The following DGKD variants were observed in gnomAD, a reference collection of about 807,000 sequenced individuals.
DGKD encodes DAG kinase delta.
A neutral mutation model predicts 154.4 loss-of-function variants in DGKD; 68 were observed. That is an observed-to-expected ratio of 0.44 (90% CI 0.36 to 0.54). The LOEUF (loss-of-function observed/expected upper bound fraction) is 0.54, where lower values mean the gene tolerates loss of function less well. Ranked by LOEUF, DGKD falls within the 20% of genes least tolerant of loss-of-function variation. The pLI, the probability that DGKD is intolerant of heterozygous loss-of-function variation, is 0.00. For missense variants in DGKD, 1,343 were observed against 1,593.6 expected, an observed-to-expected ratio of 0.84 and a Z score of 2.68; for synonymous variants, 693 against 638.0, an observed-to-expected ratio of 1.09 and a Z score of -1.30.
rs559813092 is a variant in DGKD, at chr2:233,456,718, G to A, written c.2376-181G>A. 2.6e-5 allele frequency among the ~76,000 whole-genome samples: 4 copies of A among 152,244 alleles called. No individual in the cohort carries two copies. The South Asian group carries it at 6.2e-4, about 24-fold the overall frequency. On this transcript the variant is annotated intron_variant, in intron 19 of 29. Transcript: ENST00000264057. ...TGAGCAAAATTTCCTATTGGTAAAC[G>A]TATCTTTTTATGCATATCTGCAAAA...
intron 3 of DGKD, among the ~76,000 whole-genome samples, chr2:233,394,443 T>C (rs1401238674): frequency 1.3e-5 from 2 of 151,866 alleles, no homozygotes; most frequent in Non-Finnish European, 2.9e-5. Context: ...AAGGTCTCGC[T>C]ATGTTGCTCA....
chr2:233,355,082 G>T (rs951448964), intron 1 of DGKD, among the ~76,000 whole-genome samples: 6 of 152,044 alleles, frequency 3.9e-5, no homozygotes, highest in Non-Finnish European at 8.8e-5. Flanking sequence ...CCCAAACCCC[G>T]GTTCTGCACG....
intron 1 of DGKD, among the ~76,000 whole-genome samples, chr2:233,367,734 G>T (rs1369885506): frequency 2.0e-5 from 3 of 152,084 alleles, no homozygotes; most frequent in African/African-American, 7.2e-5. Flanking sequence ...AATATGGAAT[G>T]CTCTGTGCTC....
chr2:233,375,935 G>A (rs1020340035), intron 1 of DGKD, among the ~76,000 whole-genome samples: 4 of 152,078 alleles, frequency 2.6e-5, no homozygotes, highest in African/African-American at 7.2e-5. Context: ...GTCAAGGGTC[G>A]AGTCCCTTTC....
At chr2:233,393,128 G>A (rs921791199) in intron 3 of DGKD, among the ~76,000 whole-genome samples, 3 of 151,982 alleles carry the variant, frequency 2.0e-5, no homozygotes, top group South Asian at 2.1e-4. Flanking sequence ...GTGTTCAAGC[G>A]ATTCTTCTGC....
intron 3 of DGKD, among the ~76,000 whole-genome samples, chr2:233,423,697 G>A (rs11694654): frequency 0.12 from 17,591 of 151,946 alleles, 1,252 homozygotes; most frequent in African/African-American, 0.2. Flanking sequence ...TTCTTGTGGC[G>A]CTGGCTGGAG....
intron 3 of DGKD, among the ~76,000 whole-genome samples, chr2:233,430,048 G>T (rs2062457598): frequency 6.6e-6 from 1 of 152,220 alleles, no homozygotes; most frequent in Non-Finnish European, 1.5e-5. Context: ...AAAGCTATGA[G>T]ATGTGCCGAA....
chr2:233,449,395 A>C lies in DGKD; in HGVS notation c.1888+19A>C, dbSNP rs1559164062. On this transcript the variant is annotated intron_variant, in intron 15 of 29. Coordinates refer to ENST00000264057, the MANE Select transcript of DGKD (RefSeq NM_152879.3). The surrounding 1 kb of genome is among the most constrained non-coding windows in gnomAD (Gnocchi z 5.3). ...GAAAAAGGTAACTGGCCTTGTGATG[A>C]GGAGGGGCTTTCCTCAGGCCAGCAC... The C allele has an allele frequency of 1.3e-6, 2 of 1,583,082 alleles. No homozygotes were observed. The highest frequency in any genetic ancestry group is 1.7e-5 in the Admixed American group (1 of 59,190).
At chr2:233,448,594 G>A (rs1238908330) in intron 14 of DGKD, among the ~76,000 whole-genome samples, 1 of 152,236 alleles carries the variant, frequency 6.6e-6, no homozygotes, top group African/African-American at 2.4e-5. Flanking sequence ...GGAGCTGCCC[G>A]AGCAGCGGCT....
Position 233,445,799 on chromosome 2 carries a change from C to CT in DGKD, c.1334+40dup, listed in dbSNP as rs1559559314. The CT allele has an allele frequency of 6.4e-7, 1 of 1,556,294 alleles. No individual in the cohort carries two copies. On this transcript the variant is annotated intron_variant, in intron 11 of 29. Coordinates refer to ENST00000264057, the MANE Select transcript of DGKD (RefSeq NM_152879.3). This position sits in a 1 kb window ranked among gnomAD's most constrained non-coding sequence, Gnocchi z 5.5. ...TGTGCTCCGGTGCCGTATGAGGAGA[C>CT]TTTGAGAGACAGGTCCCTTTGACCA...
intron 29 of DGKD, among the ~76,000 whole-genome samples, chr2:233,469,043 C>A (rs1207441143): frequency 6.6e-6 from 1 of 152,216 alleles, no homozygotes; most frequent in Non-Finnish European, 1.5e-5. Flanking sequence ...CTGGCTGAGT[C>A]CCGAGAGGGC....
At chr2:233,432,532 G>GC (rs2062563323) in intron 3 of DGKD, among the ~76,000 whole-genome samples, 2 of 152,128 alleles carry the variant, frequency 1.3e-5, no homozygotes, top group Non-Finnish European at 2.9e-5. Flanking sequence ...GGTGGCGGGC[G>GC]CCTGTAGTCC....
Position 233,450,931 on chromosome 2 carries a change from C to T in DGKD, c.2048C>T (p.Ser683Phe), listed in dbSNP as rs762083912. ...KGRSQRKVSK[S>F]PCEKLISKGS... ...TGCTGTGTTGTTACAGTGTCGAAAT[C>T]TCCGTGTGAAAAGCTGATCAGCAAA... The change falls in exon 17 of 30, where the codon TCT becomes TTT. Residue 683 changes from serine to phenylalanine, a missense_variant. Coordinates refer to ENST00000264057, the MANE Select transcript of DGKD (RefSeq NM_152879.3). 4 of 1,601,818 alleles carry T rather than the reference C, an allele frequency of 2.5e-6. No homozygotes were observed. The highest frequency in any genetic ancestry group is 3.4e-6 in the Non-Finnish European group (4 of 1,169,630).
At chr2:233,421,482 A>G (rs1034873665) in intron 3 of DGKD, among the ~76,000 whole-genome samples, 13 of 152,194 alleles carry the variant, frequency 8.5e-5, no homozygotes, top group African/African-American at 2.9e-4. Flanking sequence ...TTGAGCTTGC[A>G]TGGCTTCTTA....
At chr2:233,374,409 A>C (rs1391601692) in intron 1 of DGKD, among the ~76,000 whole-genome samples, 1 of 152,082 alleles carries the variant, frequency 6.6e-6, no homozygotes, top group Non-Finnish European at 1.5e-5. Context: ...ATCATCACTC[A>C]CTGCAGCCTT....
Position 233,449,238 on chromosome 2 carries a change from T to C in DGKD, c.1750T>C (p.Cys584Arg). The C allele has an allele frequency of 6.2e-7, 1 of 1,613,844 alleles. No homozygotes were observed. The highest frequency in any genetic ancestry group is 8.5e-7 in the Non-Finnish European group (1 of 1,179,978). ...AEDGDGSGSICGSTGDRLVAS... is the reference protein window; with the variant it reads ...AEDGDGSGSIRGSTGDRLVAS... ...AGATGGAGATGGGTCGGGCAGCATC[T>C]GCGGTTCCACCGGAGACCGCTTGGT... is the stretch of plus-strand genomic sequence containing the variant. Residue 584 changes from cysteine (C) to arginine (R), a missense_variant, in exon 15 of 30, where the codon TGC becomes CGC. Coordinates refer to ENST00000264057, the MANE Select transcript of DGKD (RefSeq NM_152879.3). The surrounding 1 kb of genome is among the most constrained non-coding windows in gnomAD (Gnocchi z 5.3).
At chr2:233,435,963 G>A in intron 6 of DGKD, 39 bp downstream of exon 6, 1 of 1,563,100 alleles carries the variant, frequency 6.4e-7, no homozygotes, top group Non-Finnish European at 8.7e-7. Context: ...CCTGAGCCAG[G>A]GTCCCCCACC....
At chr2:233,460,124 C>T in intron 23 of DGKD, 70 bp from the exon 24 acceptor site, 1 of 1,575,860 alleles carries the variant, frequency 6.3e-7, no homozygotes, top group South Asian at 1.2e-5. Flanking sequence ...CGTTGGCATC[C>T]CCATAGTGTC....
Position 233,448,303 on chromosome 2 carries a change from C to T in DGKD, c.1542C>T (p.Phe514=), listed in dbSNP as rs1217865474. 11 of 1,613,976 alleles carry T rather than the reference C, an allele frequency of 6.8e-6. No individual in the cohort carries two copies. The highest frequency in any genetic ancestry group is 1.3e-5 in the African/African-American group (1 of 74,888). ...TGCTCTGTGAGACGGTGAAGGACTTCGTGGCACGGGTGGGGAAGGCCTATG... is the reference window on the plus strand; with the variant it reads ...TGCTCTGTGAGACGGTGAAGGACTTTGTGGCACGGGTGGGGAAGGCCTATG... ...AKVLCETVKD[F]VARVGKAYEK... Residue 514 remains phenylalanine (F), a synonymous_variant, in exon 14 of 30, where the codon TTC becomes TTT. Transcript: ENST00000264057.
Sources: gnomAD v4.1 joint callset for allele counts (sites outside exome capture counted in the v4.1 genomes callset) on GRCh38, gnomAD v4.1.1 for gene constraint, Gnocchi (gnomAD v3.1) non-coding constraint, MANE v1.5 for transcripts, NCBI Gene and HGNC (gene_info 2026-07-23, HGNC 2026-07-21) for gene names.